Variants in SECISBP2 observed in about 807,000 individuals in gnomAD.
SECISBP2 encodes SECIS binding protein 2.
SECISBP2 carries 96 observed loss-of-function variants against 98.2 expected under a neutral mutation model. The ratio of observed to expected loss-of-function variants is 0.98; its 90% CI spans 0.83 to 1.16. SECISBP2 has a LOEUF of 1.16. Among genes scored for constraint, SECISBP2 ranks in the 50% most tolerant of loss-of-function variants. SECISBP2 has a pLI of 0.00. For missense variants in SECISBP2, 1,046 were observed against 1,022.9 expected (o/e 1.02, Z -0.31); for synonymous variants, 407 against 370.2 (o/e 1.10, Z -1.14).
chr9:89,360,833 AAGAC>A (rs1327395227), downstream of SECISBP2: 1 of 152,234 alleles, frequency 6.6e-6, no homozygotes, highest in Admixed American at 6.5e-5. Flanking sequence ...AGAGCAAAGA[AAGAC>A]TCAGAAATTC....
chr9:89,363,492 A>G, downstream of SECISBP2: 1 of 1,614,108 alleles, frequency 6.2e-7, no homozygotes, highest in Non-Finnish European at 8.5e-7. Flanking sequence ...CTCCAGGCAG[A>G]GAGCTCTCTG....
chr9:89,323,407 A>C (rs989735423), intron 2 of SECISBP2: 4 of 152,590 alleles, frequency 2.6e-5, no homozygotes, highest in African/African-American at 7.2e-5. Context: ...AGAGACAGAG[A>C]TAGAGCCTTG....
chr9:89,330,904 C>T (rs1183608731), intron 5 of SECISBP2, among the ~76,000 whole-genome samples: 1 of 152,190 alleles, frequency 6.6e-6, no homozygotes, highest in African/African-American at 2.4e-5. Context: ...TCACTTGTTA[C>T]ATGTGACTGT....
chr9:89,325,777 AT>A (rs1003064984), intron 3 of SECISBP2, 101 bp downstream of exon 3: 1 of 1,592,380 alleles, frequency 6.3e-7, no homozygotes, highest in South Asian at 1.1e-5. Context: ...AGTATCATGT[AT>A]TTTTTTGTAT....
intron 15 of SECISBP2, 29 bp downstream of exon 15, chr9:89,357,594 G>T (rs915256655): frequency 7.4e-6 from 12 of 1,612,024 alleles, no homozygotes; most frequent in Admixed American, 6.7e-5. Flanking sequence ...GGCCTCTTCA[G>T]TCACTGCCCG....
downstream of SECISBP2, chr9:89,363,547 C>A: frequency 6.2e-7 from 1 of 1,613,658 alleles, no homozygotes; most frequent in Non-Finnish European, 8.5e-7. Context: ...AAGCAGGGTC[C>A]CCAGGTCAAA....
chr9:89,353,316 C>G (rs1178757824), intron 14 of SECISBP2, among the ~76,000 whole-genome samples: 1 of 152,200 alleles, frequency 6.6e-6, no homozygotes, highest in East Asian at 1.9e-4. Context: ...CCCTGGGTGT[C>G]TCTGTCTCCC....
downstream of SECISBP2, chr9:89,363,511 C>T: frequency 6.2e-7 from 1 of 1,614,120 alleles, no homozygotes; most frequent in South Asian, 1.1e-5. Flanking sequence ...TGGTCCACCT[C>T]TCCTGGTGGG....
chr9:89,347,664 A>G (rs1228008013), intron 11 of SECISBP2, among the ~76,000 whole-genome samples: 1 of 152,000 alleles, frequency 6.6e-6, no homozygotes, highest in Non-Finnish European at 1.5e-5. Flanking sequence ...TTTTTAGTAG[A>G]GACGAGGTCT....
intron 10 of SECISBP2, among the ~76,000 whole-genome samples, chr9:89,343,554 C>A (rs558981243): frequency 6.6e-6 from 1 of 152,268 alleles, no homozygotes; most frequent in African/African-American, 2.4e-5. Context: ...TCCATGTGTT[C>A]TCATCATTTA....
intron 10 of SECISBP2, among the ~76,000 whole-genome samples, chr9:89,345,104 GA>G (rs1237951405): frequency 7.2e-5 from 11 of 152,202 alleles, no homozygotes; most frequent in African/African-American, 2.6e-4. Context: ...TCACTTTTTG[GA>G]GGTTAGTTTT....
Position 89,338,442 on chromosome 9 carries a change from TG to T in SECISBP2, c.1090-15del. 1 of 1,612,884 alleles carries T rather than the reference TG, an allele frequency of 6.2e-7. No individual in the cohort carries two copies. Among genetic ancestry groups the T allele is most frequent in the South Asian group, 1.1e-5 (1 of 90,662 alleles). ...GCCCTAAAAACAGGATTTTTTGCTT[TG>T]ATTTTCTGTTCTAGTCTAAAGCATC... is the stretch of plus-strand genomic sequence containing the variant. On this transcript the variant is annotated splice_polypyrimidine_tract_variant and intron_variant, in intron 7 of 16. Transcript: ENST00000375807.
chr9:89,320,384 C>A (rs369774400), intron 2 of SECISBP2, among the ~76,000 whole-genome samples: 1 of 148,858 alleles, frequency 6.7e-6, no homozygotes, highest in Non-Finnish European at 1.5e-5. Context: ...AAAAAAATCC[C>A]GTTTCAAGGT....
intron 15 of SECISBP2, 27 bp downstream of exon 15, chr9:89,357,592 C>G: frequency 1.9e-6 from 3 of 1,612,172 alleles, no homozygotes; most frequent in Non-Finnish European, 2.5e-6. Context: ...CAGGCCTCTT[C>G]AGTCACTGCC....
At chr9:89,363,273 C>CCG (rs1554729745), downstream of SECISBP2, among the ~76,000 whole-genome samples, 2 of 152,270 alleles carry the variant, frequency 1.3e-5, no homozygotes, top group South Asian at 4.1e-4. Flanking sequence ...GATTTCCCCC[C>CCG]CCAGTGTTGC....
At chr9:89,363,311 G>T (rs1488528355), downstream of SECISBP2, 1 of 1,440,998 alleles carries the variant, frequency 6.9e-7, no homozygotes, top group Non-Finnish European at 9.3e-7. Context: ...CTGCTCCGGG[G>T]CTAAGAGGGA....
At chr9:89,328,915 T>C in intron 5 of SECISBP2, 29 bp downstream of exon 5, 13 of 1,546,860 alleles carry the variant, frequency 8.4e-6, no homozygotes, top group Non-Finnish European at 9.8e-6. Context: ...TCTTTTTCTT[T>C]TTCCTTTGTA....
At chr9:89,347,091 A>G (rs1360855923) in intron 11 of SECISBP2, 43 bp downstream of exon 11, 3 of 1,591,422 alleles carry the variant, frequency 1.9e-6, no homozygotes, top group East Asian at 4.5e-5. Flanking sequence ...TAGAAAACTT[A>G]GTCTCACATT....
chr9:89,358,297 A>G, intron 16 of SECISBP2, 106 bp downstream of exon 16: 2 of 1,171,896 alleles, frequency 1.7e-6, no homozygotes, highest in Non-Finnish European at 2.5e-6. Flanking sequence ...AGACCAGCTG[A>G]GTAGCAGGGC....
Sources: allele counts gnomAD v4.1 joint callset (sites outside exome capture counted in the v4.1 genomes callset), GRCh38; gene constraint gnomAD v4.1.1; transcripts MANE v1.5; gene names NCBI Gene and HGNC (gene_info 2026-07-23, HGNC 2026-07-21).